The following LUZP2 variants were observed in gnomAD, a reference collection of about 807,000 sequenced individuals.
LUZP2 encodes leucine zipper protein 2.
LUZP2 carries 52 observed loss-of-function variants against 51.6 expected under a neutral mutation model. The observed-to-expected ratio is 1.01, with a 90% confidence interval of 0.81 to 1.27. The LOEUF is 1.27. LUZP2 is among the 50% of genes most tolerant of loss of function. The pLI is 0.00. For missense variants in LUZP2, 436 were observed against 395.4 expected (o/e 1.10, Z -0.87); for synonymous variants, 154 against 137.3 (o/e 1.12, Z -0.85).
At chr11:24,569,621 GAAGAA>G (rs1302825844) in intron 1 of LUZP2, among the ~76,000 whole-genome samples, 1 of 151,958 alleles carries the variant, frequency 6.6e-6, no homozygotes, top group East Asian at 1.9e-4. Context: ...AAATGTAGCA[GAAGAA>G]AATAGTTGTT....
intron 5 of LUZP2, among the ~76,000 whole-genome samples, chr11:24,897,192 T>C (rs943304800): frequency 2.0e-5 from 3 of 151,990 alleles, no homozygotes; most frequent in Non-Finnish European, 2.9e-5. Flanking sequence ...TCACACTCTG[T>C]CAAAACGGAC....
At chr11:24,627,404 A>G (rs1854720268) in intron 1 of LUZP2, among the ~76,000 whole-genome samples, 1 of 152,156 alleles carries the variant, frequency 6.6e-6, no homozygotes, top group South Asian at 2.1e-4. Context: ...GTGGGGGACC[A>G]GGCTTTTTCT....
intron 1 of LUZP2, among the ~76,000 whole-genome samples, chr11:24,510,138 C>T (rs964598410): frequency 4.6e-5 from 7 of 152,298 alleles, no homozygotes; most frequent in Admixed American, 2.0e-4. Flanking sequence ...ATTCACAACA[C>T]CAAAGTTGCT....
intron 4 of LUZP2, chr11:24,762,861 G>A: frequency 3.1e-6 from 1 of 325,408 alleles, no homozygotes. Context: ...TTGGCGACAG[G>A]TCATAATTAC....
At chr11:24,987,783 G>C (rs964240127) in intron 9 of LUZP2, among the ~76,000 whole-genome samples, 1 of 151,782 alleles carries the variant, frequency 6.6e-6, no homozygotes, top group Admixed American at 6.6e-5. Flanking sequence ...CCTCTTTTCT[G>C]CCAAAAATCT....
At chr11:24,636,247 A>C (rs539950566) in intron 1 of LUZP2, among the ~76,000 whole-genome samples, 1 of 152,138 alleles carries the variant, frequency 6.6e-6, no homozygotes, top group Non-Finnish European at 1.5e-5. Context: ...CAGCCACAGC[A>C]TATTTATCAG....
At chr11:24,678,229 C>T (rs553640036) in intron 1 of LUZP2, among the ~76,000 whole-genome samples, 66 of 152,050 alleles carry the variant, frequency 4.3e-4, no homozygotes, top group Middle Eastern at 3.4e-3. Flanking sequence ...ATCAATGGCC[C>T]ATAGTAACCA....
chr11:24,514,408 T>C (rs1018087165), intron 1 of LUZP2, among the ~76,000 whole-genome samples: 1 of 152,182 alleles, frequency 6.6e-6, no homozygotes, highest in Non-Finnish European at 1.5e-5. Context: ...AAATAAACTG[T>C]ATCCACATCT....
At chr11:24,530,338 A>G (rs747261840) in intron 1 of LUZP2, among the ~76,000 whole-genome samples, 1 of 150,904 alleles carries the variant, frequency 6.6e-6, no homozygotes, top group African/African-American at 2.4e-5. Context: ...TTAAGTCTAC[A>G]TCTGATTTTT....
chr11:24,847,378 G>T (rs1265312173), intron 5 of LUZP2, among the ~76,000 whole-genome samples: 1 of 151,936 alleles, frequency 6.6e-6, no homozygotes, highest in Non-Finnish European at 1.5e-5. Context: ...AATCTTTTAT[G>T]ATCTTCATAG....
At chr11:24,932,440 G>A (rs561726744) in intron 7 of LUZP2, among the ~76,000 whole-genome samples, 1 of 152,280 alleles carries the variant, frequency 6.6e-6, no homozygotes, top group South Asian at 2.1e-4. Flanking sequence ...GTTTAGGCCT[G>A]TTTGAGCTGT....
intron 7 of LUZP2, among the ~76,000 whole-genome samples, chr11:24,919,646 G>T (rs1177737289): frequency 1.4e-5 from 2 of 147,830 alleles, no homozygotes; most frequent in Non-Finnish European, 3.0e-5. Context: ...TTATGTGTAG[G>T]TATGTTTATA....
At chr11:25,050,341 G>A (rs1256892512) in intron 10 of LUZP2, among the ~76,000 whole-genome samples, 2 of 112,636 alleles carry the variant, frequency 1.8e-5, no homozygotes, top group Admixed American at 1.3e-4. Flanking sequence ...TTGGTCTGTC[G>A]CCCAGGCTGG....
chr11:24,681,686 T>C (rs557899353), intron 1 of LUZP2, among the ~76,000 whole-genome samples: 1 of 152,328 alleles, frequency 6.6e-6, no homozygotes, highest in East Asian at 1.9e-4. Flanking sequence ...ATTAGCTTCA[T>C]TTTTAACACA....
intron 10 of LUZP2, among the ~76,000 whole-genome samples, chr11:25,073,723 ATGTT>A (rs1037003489): frequency 1.9e-4 from 29 of 151,850 alleles, no homozygotes; most frequent in Middle Eastern, 3.4e-3. Flanking sequence ...TTATTTTTCT[ATGTT>A]TGGTAATTGC....
chr11:24,704,356 T>A (rs1381238999), intron 1 of LUZP2, among the ~76,000 whole-genome samples: 1 of 152,078 alleles, frequency 6.6e-6, no homozygotes, highest in Non-Finnish European at 1.5e-5. Context: ...TTTCTTTCCT[T>A]AGCTACTTTT....
At chr11:24,580,373 A>G (rs1273353391) in intron 1 of LUZP2, among the ~76,000 whole-genome samples, 1 of 152,120 alleles carries the variant, frequency 6.6e-6, no homozygotes. Flanking sequence ...CAATACTGAA[A>G]AGGTTCCTTT....
Position 25,070,906 on chromosome 11 carries a change from A to G in LUZP2, c.859-6423A>G, listed in dbSNP as rs140765472. 5.4e-3 allele frequency among the ~76,000 whole-genome samples: 816 copies of G among 151,828 alleles called. 9 individuals are homozygous for G. The highest frequency in any genetic ancestry group is 0.019 in the African/African-American group (776 of 41,414). Reference sequence around the variant, plus strand: ...ACTTTCCTATTGCCCTTCAGTTCACATCTTGAAAAGGTTCCCTTCTTTGAA... The same window carrying G: ...ACTTTCCTATTGCCCTTCAGTTCACGTCTTGAAAAGGTTCCCTTCTTTGAA... On this transcript the variant is annotated intron_variant, in intron 10 of 11. Transcript: ENST00000336930.
intron 1 of LUZP2, among the ~76,000 whole-genome samples, chr11:24,615,012 A>G (rs985672673): frequency 2.0e-5 from 3 of 151,984 alleles, no homozygotes; most frequent in Non-Finnish European, 4.4e-5. Context: ...TTAAGAAAAA[A>G]GGTTGAAATT....
Sources: gnomAD v4.1 joint callset for allele counts (sites outside exome capture counted in the v4.1 genomes callset) on GRCh38, gnomAD v4.1.1 for gene constraint, MANE v1.5 for transcripts, NCBI Gene and HGNC (gene_info 2026-07-23, HGNC 2026-07-21) for gene names.